Variants in SH3RF2 observed in about 807,000 individuals in gnomAD.
The protein encoded by SH3RF2 is E3 ubiquitin-protein ligase SH3RF2.
Under a neutral mutation model 59.0 loss-of-function variants are expected in SH3RF2, and 43 were observed. The ratio of observed to expected loss-of-function variants is 0.73; its 90% CI spans 0.57 to 0.94. The LOEUF (loss-of-function observed/expected upper bound fraction) is 0.94, where lower values mean the gene tolerates loss of function less well. Ranked by LOEUF, SH3RF2 falls within the 40% of genes least tolerant of loss-of-function variation. The probability of loss-of-function intolerance (pLI) is 0.00; values close to 1 mark genes in which losing one functional copy is unlikely to be tolerated. For synonymous variants in SH3RF2, 391 were observed against 391.5 expected, an observed-to-expected ratio of 1.00 and a Z score of 0.01; for missense variants, 930 against 940.1, an observed-to-expected ratio of 0.99 and a Z score of 0.14.
chr5:146,074,036 C>CTTTTTTTT (rs70998053), intron 9 of SH3RF2, among the ~76,000 whole-genome samples: 1,537 of 117,152 alleles, frequency 0.013, 160 homozygotes, highest in African/African-American at 0.06. Context: ...CATTAACACT[C>CTTTTTTTT]TTTTTTTTTT....
intron 2 of SH3RF2, among the ~76,000 whole-genome samples, chr5:145,981,261 AT>A (rs1759496219): frequency 6.6e-6 from 1 of 151,490 alleles, no homozygotes; most frequent in Non-Finnish European, 1.5e-5. Flanking sequence ...CACCCAGCTA[AT>A]TTTTTTGGCT....
chr5:146,016,667 C>T (rs1161829453), intron 5 of SH3RF2, among the ~76,000 whole-genome samples: 1 of 152,160 alleles, frequency 6.6e-6, no homozygotes, highest in African/African-American at 2.4e-5. Context: ...AGAACATAAG[C>T]TCTTGTCACT....
chr5:146,048,060 C>G (rs572622939), intron 6 of SH3RF2, among the ~76,000 whole-genome samples, 197 bp downstream of exon 6: 1 of 152,264 alleles, frequency 6.6e-6, no homozygotes, highest in African/African-American at 2.4e-5. Context: ...CACCTGTAAT[C>G]CCAGCACTTC....
At chr5:146,001,332 G>T (rs1049993289) in intron 3 of SH3RF2, among the ~76,000 whole-genome samples, 1 of 152,192 alleles carries the variant, frequency 6.6e-6, no homozygotes, top group South Asian at 2.1e-4. Flanking sequence ...TGCTACAATA[G>T]CTTAGGCAAG....
At chr5:146,076,617 C>G (rs1280722680) in intron 9 of SH3RF2, among the ~76,000 whole-genome samples, 1 of 152,200 alleles carries the variant, frequency 6.6e-6, no homozygotes, top group African/African-American at 2.4e-5. Context: ...AAAGCAGCCA[C>G]CTGGAGCCTC....
At chr5:146,000,428 T>C in intron 3 of SH3RF2, 101 bp downstream of exon 3, 1 of 968,990 alleles carries the variant, frequency 1.0e-6, no homozygotes, top group Non-Finnish European at 1.4e-6. Context: ...AAAATTGTAT[T>C]TTAAATATAT....
chr5:146,006,413 C>T (rs1760647550), intron 4 of SH3RF2, among the ~76,000 whole-genome samples: 1 of 151,864 alleles, frequency 6.6e-6, no homozygotes, highest in Admixed American at 6.6e-5. Context: ...AGAGCAAGAC[C>T]CTATCTCAAA....
intron 2 of SH3RF2, among the ~76,000 whole-genome samples, chr5:145,966,229 G>A (rs1034224384): frequency 1.3e-5 from 2 of 152,144 alleles, no homozygotes; most frequent in Non-Finnish European, 2.9e-5. Flanking sequence ...AGAAGGATTG[G>A]GTGAGGACAA....
At chr5:145,997,702 A>C (rs573627843) in intron 2 of SH3RF2, 6 of 1,566,350 alleles carry the variant, frequency 3.8e-6, no homozygotes, top group Non-Finnish European at 5.2e-6. Context: ...ACAGGGAAAA[A>C]GGTATATGCT....
intron 6 of SH3RF2, 57 bp downstream of exon 6, chr5:146,047,920 C>T: frequency 6.6e-7 from 1 of 1,514,206 alleles, no homozygotes; most frequent in Non-Finnish European, 9.1e-7. Flanking sequence ...TCATCTTTAC[C>T]ATGTACAGTG....
At position 145,997,826 on chromosome 5, in the gene SH3RF2, A is replaced by G. The variant is rs530937497; in HGVS notation, c.379-2232A>G. The G allele has an allele frequency of 1.0e-4, 150 of 1,442,160 alleles. 1 individual carries two copies. In the East Asian group the frequency reaches 3.1e-3, roughly 30 times the overall value. The allele number at this position is 1,442,160 out of a possible 1,614,324, so 89.3% of individuals were successfully genotyped here. A position where few individuals can be genotyped will look rare whatever the true frequency, so the allele number is the denominator to read the frequency against. On this transcript the variant is annotated intron_variant, in intron 2 of 9. Transcript: ENST00000359120. ...TTAAGCTAGGATCCCCCGCCGAAATAGAAGTACCTGCAAAAACAACTCACA... is the reference window on the plus strand; with the variant it reads ...TTAAGCTAGGATCCCCCGCCGAAATGGAAGTACCTGCAAAAACAACTCACA...
chr5:146,054,049 T>C (rs1427294993), intron 7 of SH3RF2, among the ~76,000 whole-genome samples: 3 of 152,178 alleles, frequency 2.0e-5, no homozygotes, highest in African/African-American at 7.2e-5. Context: ...AAGCCCAGAA[T>C]GCTTTTCAGT....
At chr5:145,976,681 T>C (rs1396345973) in intron 2 of SH3RF2, among the ~76,000 whole-genome samples, 1 of 152,234 alleles carries the variant, frequency 6.6e-6, no homozygotes, top group Non-Finnish European at 1.5e-5. Flanking sequence ...CTAGACCATA[T>C]TGACCAGAAG....
intron 8 of SH3RF2, among the ~76,000 whole-genome samples, chr5:146,056,915 T>G (rs1231764444): frequency 3.3e-5 from 5 of 152,232 alleles, no homozygotes; most frequent in African/African-American, 1.2e-4. Flanking sequence ...AGAACTATGC[T>G]TTTGTCTCTT....
chr5:145,960,145 T>C (rs1758578059), intron 2 of SH3RF2, among the ~76,000 whole-genome samples: 1 of 152,210 alleles, frequency 6.6e-6, no homozygotes, highest in Non-Finnish European at 1.5e-5. Flanking sequence ...CTCCAGCTCC[T>C]GGGCTGAATC....
chr5:146,056,334 G>A (rs1479748866), intron 8 of SH3RF2, 121 bp downstream of exon 8: 12 of 1,435,586 alleles, frequency 8.4e-6, no homozygotes, highest in Non-Finnish European at 1.0e-5. Flanking sequence ...CCCTGCAAAG[G>A]GTATTATACA....
At chr5:145,961,750 A>G (rs1426904623) in intron 2 of SH3RF2, among the ~76,000 whole-genome samples, 1 of 152,262 alleles carries the variant, frequency 6.6e-6, no homozygotes, top group East Asian at 1.9e-4. Flanking sequence ...CTTATCCAGG[A>G]AAATTATTTC....
intron 5 of SH3RF2, among the ~76,000 whole-genome samples, 194 bp from the exon 6 acceptor site, chr5:146,047,578 G>A (rs147224642): frequency 1.3e-5 from 2 of 152,158 alleles, no homozygotes; most frequent in Admixed American, 6.5e-5. Flanking sequence ...CACCCCACCA[G>A]GCCATAAACC....
At chr5:146,025,259 C>T (rs1047867895) in intron 5 of SH3RF2, among the ~76,000 whole-genome samples, 2 of 152,256 alleles carry the variant, frequency 1.3e-5, no homozygotes, top group African/African-American at 4.8e-5. Context: ...TTTCTCACCA[C>T]CTTCCCGCAT....
Sources: allele counts gnomAD v4.1 joint callset (sites outside exome capture counted in the v4.1 genomes callset), GRCh38; gene constraint gnomAD v4.1.1; transcripts MANE v1.5; gene names NCBI Gene and HGNC (gene_info 2026-07-23, HGNC 2026-07-21).